The following NFYC variants were observed in gnomAD, a reference collection of about 807,000 sequenced individuals.
The protein encoded by NFYC is CAAT box DNA-binding protein subunit C.
Under a neutral mutation model 53.1 loss-of-function variants are expected in NFYC, and 25 were observed. The ratio of observed to expected loss-of-function variants is 0.47; its 90% CI spans 0.34 to 0.66. The LOEUF is 0.66. Ranked by LOEUF, NFYC falls within the 30% of genes least tolerant of loss-of-function variation. NFYC has a pLI of 0.01. For synonymous variants in NFYC, 145 were observed against 152.6 expected, an observed-to-expected ratio of 0.95 and a Z score of 0.37; for missense variants, 260 against 422.7, an observed-to-expected ratio of 0.62 and a Z score of 3.38.
chr1:40,698,708 C>T (rs1156252775), intron 1 of NFYC, among the ~76,000 whole-genome samples: 1 of 152,044 alleles, frequency 6.6e-6, no homozygotes, highest in Non-Finnish European at 1.5e-5. Context: ...CCTGAATACC[C>T]TTCATTTAAA....
At chr1:40,720,330 C>A (rs1385618253) in intron 1 of NFYC, among the ~76,000 whole-genome samples, 1 of 152,112 alleles carries the variant, frequency 6.6e-6, no homozygotes, top group African/African-American at 2.4e-5. Flanking sequence ...GTCCCACCAC[C>A]CCCCTGGTTT....
intron 1 of NFYC, among the ~76,000 whole-genome samples, chr1:40,715,116 T>TAAATAAA (rs1557764245): frequency 3.0e-4 from 22 of 73,278 alleles, no homozygotes; most frequent in African/African-American, 1.4e-3. Flanking sequence ...AAATAAATAA[T>TAAATAAA]AATTTGGCTG....
intron 1 of NFYC, among the ~76,000 whole-genome samples, chr1:40,705,610 G>T (rs1006684470): frequency 1.3e-5 from 2 of 152,136 alleles, no homozygotes; most frequent in Non-Finnish European, 2.9e-5. Flanking sequence ...AATGTGGTTT[G>T]TTACTGGTTA....
Position 40,771,469 on chromosome 1 carries a change from G to A in NFYC, c.*641G>A, listed in dbSNP as rs748177739. 4.3e-5 allele frequency: 20 copies of A among 470,108 alleles called. No homozygotes were observed. Among genetic ancestry groups the A allele is most frequent in the South Asian group, 3.0e-4 (19 of 64,358 alleles). The allele number at this position is 470,108 out of a possible 1,614,324, so 29.1% of individuals were successfully genotyped here. ...TTCATTGCCACACTCTTTTCTCCCA[G>A]GGACCCAGGAAACTAGGACTTTGTG... On this transcript the variant is annotated 3_prime_UTR_variant, in exon 10 of 10. Transcript: ENST00000447388.
chr1:40,763,436 T>C (rs1455795274), intron 7 of NFYC: 1 of 453,986 alleles, frequency 2.2e-6, no homozygotes, highest in Non-Finnish European at 4.4e-6. Flanking sequence ...AGCTTCCGCC[T>C]CCCAGGTTCA....
intron 1 of NFYC, among the ~76,000 whole-genome samples, chr1:40,707,909 C>T (rs1172729813): frequency 6.6e-6 from 1 of 151,626 alleles, no homozygotes; most frequent in African/African-American, 2.4e-5. Flanking sequence ...ATGTCAAACT[C>T]TGTGACTGCC....
intron 7 of NFYC, 98 bp downstream of exon 7, chr1:40,763,144 C>G: frequency 9.2e-7 from 1 of 1,091,830 alleles, no homozygotes; most frequent in Non-Finnish European, 1.3e-6. Flanking sequence ...CTATATATAC[C>G]TTGATATGTA....
intron 4 of NFYC, among the ~76,000 whole-genome samples, chr1:40,750,094 T>G (rs1024507572): frequency 2.0e-5 from 3 of 152,204 alleles, no homozygotes; most frequent in Non-Finnish European, 4.4e-5. Context: ...CTCACTAGCT[T>G]CATTAGGCTT....
chr1:40,705,152 TA>T (rs1370747564), intron 1 of NFYC, among the ~76,000 whole-genome samples: 1 of 152,248 alleles, frequency 6.6e-6, no homozygotes, highest in South Asian at 2.1e-4. Context: ...GGCTCAGGGT[TA>T]GTACAGTGTC....
chr1:40,760,314 C>T (rs1400831174), intron 6 of NFYC, among the ~76,000 whole-genome samples: 1 of 152,186 alleles, frequency 6.6e-6, no homozygotes, highest in Non-Finnish European at 1.5e-5. Context: ...CACCTATAAT[C>T]CCATCACTTT....
intron 5 of NFYC, chr1:40,757,246 G>T (rs1407361416): frequency 4.2e-6 from 2 of 476,642 alleles, no homozygotes; most frequent in African/African-American, 3.9e-5. Flanking sequence ...CTGTGTCAGT[G>T]GTCAGGGGCT....
chr1:40,765,871 GGT>G (rs1220180247), intron 7 of NFYC, among the ~76,000 whole-genome samples: 1 of 152,194 alleles, frequency 6.6e-6, no homozygotes, highest in Non-Finnish European at 1.5e-5. Flanking sequence ...TGCAGCATGT[GGT>G]ATTATTGTAT....
At chr1:40,724,227 G>A (rs1236485016) in intron 1 of NFYC, among the ~76,000 whole-genome samples, 2 of 152,182 alleles carry the variant, frequency 1.3e-5, no homozygotes, top group East Asian at 1.9e-4. Flanking sequence ...AATTAGCTGG[G>A]TGTGATGGCG....
At chr1:40,705,141 A>C (rs1643634719) in intron 1 of NFYC, among the ~76,000 whole-genome samples, 1 of 152,246 alleles carries the variant, frequency 6.6e-6, no homozygotes, top group African/African-American at 2.4e-5. Context: ...AAGGAAACTG[A>C]GGCTCAGGGT....
At chr1:40,749,147 C>T (rs999335140) in intron 3 of NFYC, among the ~76,000 whole-genome samples, 1 of 152,168 alleles carries the variant, frequency 6.6e-6, no homozygotes, top group Non-Finnish European at 1.5e-5. Flanking sequence ...TTTTTCAGTA[C>T]ATGAAAAAGC....
chr1:40,700,770 A>C (rs763157397), intron 1 of NFYC, among the ~76,000 whole-genome samples: 1 of 152,196 alleles, frequency 6.6e-6, no homozygotes, highest in Non-Finnish European at 1.5e-5. Context: ...GAGATGACAA[A>C]TTCTGAATTA....
rs146911257 is a variant in NFYC, at chr1:40,759,512, G to A, written c.561+1218G>A. 5.0e-3 allele frequency among the ~76,000 whole-genome samples: 753 copies of A among 151,854 alleles called. 5 individuals are homozygous for A. Among genetic ancestry groups the A allele is most frequent in the African/African-American group, 0.018 (729 of 41,398 alleles). ...GATTGTGCCATTGCACTCCAGCCAG[G>A]GTGACAGAGCAAGATCCTGTCTCAA... On this transcript the variant is annotated intron_variant, in intron 6 of 9. Transcript: ENST00000447388.
intron 6 of NFYC, among the ~76,000 whole-genome samples, chr1:40,759,233 TAAA>T (rs11429236): frequency 7.2e-6 from 1 of 138,920 alleles, no homozygotes. Context: ...CTTCTTTAAT[TAAA>T]AAAAAAAAAA....
At chr1:40,703,382 T>C (rs1420367012) in intron 1 of NFYC, among the ~76,000 whole-genome samples, 1 of 148,402 alleles carries the variant, frequency 6.7e-6, no homozygotes, top group African/African-American at 2.5e-5. Flanking sequence ...CTCCTAGTTA[T>C]TCAGAAGGCT....
Sources: allele counts gnomAD v4.1 joint callset (sites outside exome capture counted in the v4.1 genomes callset), GRCh38; gene constraint gnomAD v4.1.1; transcripts MANE v1.5; gene names NCBI Gene and HGNC (gene_info 2026-07-23, HGNC 2026-07-21).